BAIAP2L1: variants seen among roughly 807,000 people sequenced by gnomAD.
The protein encoded by BAIAP2L1 is BAR/IMD domain-containing adapter protein 2-like 1.
BAIAP2L1 carries 35 observed loss-of-function variants against 66.3 expected under a neutral mutation model. The ratio of observed to expected loss-of-function variants is 0.53; its 90% CI spans 0.40 to 0.70. The LOEUF (loss-of-function observed/expected upper bound fraction) is 0.70, where lower values mean the gene tolerates loss of function less well. Ranked by LOEUF, BAIAP2L1 falls within the 30% of genes least tolerant of loss-of-function variation. The pLI is 0.00. For missense variants in BAIAP2L1, 622 were observed against 656.9 expected (o/e 0.95, Z 0.58); for synonymous variants, 269 against 248.7 (o/e 1.08, Z -0.77).
chr7:98,313,982 C>CT (rs35599338), intron 7 of BAIAP2L1, among the ~76,000 whole-genome samples: 34,537 of 101,008 alleles, frequency 0.34, 7,776 homozygotes, highest in Non-Finnish European at 0.46. Context: ...CTTTTTCTTC[C>CT]TTTTTTTTTT....
rs764583121 is a variant in BAIAP2L1, at chr7:98,307,910, T to G, written c.956-14A>C. 6.2e-7 allele frequency: 1 copy of G among 1,613,648 alleles called. No homozygotes were observed. The highest frequency in any genetic ancestry group is 2.2e-5 in the East Asian group (1 of 44,878). On this transcript the variant is annotated splice_polypyrimidine_tract_variant and intron_variant, in intron 9 of 13. Coordinates refer to ENST00000005260, the MANE Select transcript of BAIAP2L1 (RefSeq NM_018842.5). ...CTTCGGAAGTACCTGTTGGAGGGAG[T>G]GTAGCAGTAATGGCTTTTCAAAGCA...
rs369831509 is a variant in BAIAP2L1 at position 98,296,624 on chromosome 7, TAAAAAACA to T, written c.1423-2521_1423-2514del. On this transcript the variant is annotated intron_variant, in intron 12 of 13. Coordinates refer to ENST00000005260, the MANE Select transcript of BAIAP2L1 (RefSeq NM_018842.5). Reference sequence around the variant, plus strand: ...GGGCAACAGAGTGAGACTCCATCTGTAAAAAACAAAAAAACAAAAAACCAACAAAACAA... The same window carrying T: ...GGGCAACAGAGTGAGACTCCATCTGTAAAAAACAAAAAACCAACAAAACAA... Among the ~76,000 whole-genome samples the T allele has an allele frequency of 5.9e-5, 9 of 151,988 alleles. No homozygotes were observed. In the South Asian group the frequency reaches 6.3e-4, roughly 11 times the overall value.
intron 7 of BAIAP2L1, among the ~76,000 whole-genome samples, chr7:98,314,940 T>C (rs545970168): frequency 2.0e-5 from 3 of 152,384 alleles, no homozygotes; most frequent in South Asian, 4.1e-4. Context: ...TAAATATGGA[T>C]GTATTATTAA....
chr7:98,320,294 A>G lies in BAIAP2L1; in HGVS notation c.219T>C (p.His73=). ...TGSPVSTELG[H]VLIEISSTHK... is the part of the protein sequence containing the mutation. ...GGGTACTTGAAATCTCTATGAGGACATGTCCTGGGAACAAAACCAGATATG... is the reference window on the plus strand; with the variant it reads ...GGGTACTTGAAATCTCTATGAGGACGTGTCCTGGGAACAAAACCAGATATG... Residue 73 remains histidine, a synonymous_variant, in exon 4 of 14, where the codon CAT becomes CAC. Coordinates refer to ENST00000005260, the MANE Select transcript of BAIAP2L1 (RefSeq NM_018842.5). 1.9e-6 allele frequency: 3 copies of G among 1,596,880 alleles called. No homozygotes were observed. Among genetic ancestry groups the G allele is most frequent in the Admixed American group, 1.8e-5 (1 of 56,488 alleles).
chr7:98,385,980 A>G (rs1584503795), intron 1 of BAIAP2L1: 7 of 1,498,690 alleles, frequency 4.7e-6, no homozygotes, highest in East Asian at 2.3e-5. Context: ...GAGGATAAAT[A>G]GACTGGCAAG....
intron 12 of BAIAP2L1, among the ~76,000 whole-genome samples, chr7:98,295,427 C>T (rs1055688833): frequency 3.3e-5 from 5 of 152,220 alleles, no homozygotes; most frequent in African/African-American, 4.8e-5. Flanking sequence ...TGACTTCCTG[C>T]GGGGCACTCA....
At chr7:98,317,693 A>C (rs1216014597) in intron 5 of BAIAP2L1, among the ~76,000 whole-genome samples, 1 of 135,430 alleles carries the variant, frequency 7.4e-6, no homozygotes, top group Non-Finnish European at 1.6e-5. Flanking sequence ...CCATCCTTAC[A>C]CTGGCTGGGA....
At chr7:98,309,587 T>C (rs539958978) in intron 9 of BAIAP2L1, 1 of 152,440 alleles carries the variant, frequency 6.6e-6, no homozygotes, top group South Asian at 2.1e-4. Flanking sequence ...GGCAAATGCC[T>C]GCAGACCATC....
intron 11 of BAIAP2L1, among the ~76,000 whole-genome samples, chr7:98,304,909 A>G (rs1216432195): frequency 6.9e-6 from 1 of 145,906 alleles, no homozygotes; most frequent in Admixed American, 7.0e-5. Context: ...CTTATTGTCC[A>G]GGGTGGAGTG....
chr7:98,348,729 C>T (rs147603203), intron 3 of BAIAP2L1, among the ~76,000 whole-genome samples: 2 of 152,292 alleles, frequency 1.3e-5, no homozygotes, highest in African/African-American at 4.8e-5. Flanking sequence ...TCCTTCTAGT[C>T]TTTGATACAG....
At chr7:98,332,450 A>C (rs1161868715) in intron 3 of BAIAP2L1, among the ~76,000 whole-genome samples, 1 of 143,936 alleles carries the variant, frequency 6.9e-6, no homozygotes. Context: ...CTTTTCAGTG[A>C]GGTACAATCT....
rs1050490801 is a variant in BAIAP2L1, at chr7:98,306,303, C to A, written c.1241+136G>T. The A allele has an allele frequency of 3.8e-6, 4 of 1,045,940 alleles. No homozygotes were observed. In the South Asian group the frequency reaches 5.7e-5, roughly 15 times the overall value. The allele number at this position is 1,045,940 out of a possible 1,614,324, so 64.8% of individuals were successfully genotyped here. On this transcript the variant is annotated intron_variant, in intron 11 of 13. Transcript: ENST00000005260. ...TCACGGCAGACAGCACTGTGAGCCG[C>A]GGTCTCATCTCTGACTAGTCCACGA...
intron 12 of BAIAP2L1, 102 bp downstream of exon 12, chr7:98,304,094 C>G: frequency 7.8e-7 from 1 of 1,274,788 alleles, no homozygotes; most frequent in East Asian, 2.8e-5. Flanking sequence ...CCACTCTCCC[C>G]CTGGGGACAG....
chr7:98,369,456 C>G (rs575652311), intron 1 of BAIAP2L1, among the ~76,000 whole-genome samples: 1 of 151,916 alleles, frequency 6.6e-6, no homozygotes, highest in African/African-American at 2.4e-5. Flanking sequence ...CCAGCCTGGG[C>G]GATAAAGCGA....
intron 7 of BAIAP2L1, 88 bp from the exon 8 acceptor site, chr7:98,312,352 G>C: frequency 7.1e-7 from 1 of 1,402,310 alleles, no homozygotes; most frequent in Non-Finnish European, 9.6e-7. Context: ...GCTGATAACA[G>C]ATTACTGGCT....
At chr7:98,388,881 G>A (rs1434217364) in intron 1 of BAIAP2L1, among the ~76,000 whole-genome samples, 2 of 151,842 alleles carry the variant, frequency 1.3e-5, no homozygotes, top group Non-Finnish European at 2.9e-5. Context: ...GGCTGAGGCA[G>A]GAGGAACGCT....
intron 12 of BAIAP2L1, among the ~76,000 whole-genome samples, chr7:98,303,016 C>T (rs1305431398): frequency 6.6e-6 from 1 of 152,174 alleles, no homozygotes; most frequent in African/African-American, 2.4e-5. Flanking sequence ...AACTCCTGGG[C>T]TCAAGTGATC....
At chr7:98,345,661 A>T (rs976422853) in intron 3 of BAIAP2L1, among the ~76,000 whole-genome samples, 3 of 152,042 alleles carry the variant, frequency 2.0e-5, no homozygotes, top group African/African-American at 7.2e-5. Flanking sequence ...GGAGGCAGAG[A>T]TTGCAGTGAG....
chr7:98,308,656 A>G, intron 9 of BAIAP2L1: 1 of 230,884 alleles, frequency 4.3e-6, no homozygotes, highest in Non-Finnish European at 8.8e-6. Flanking sequence ...AGGGGAAAAA[A>G]GGTAGAAAAA....
Sources: allele counts gnomAD v4.1 joint callset (sites outside exome capture counted in the v4.1 genomes callset), GRCh38; gene constraint gnomAD v4.1.1; transcripts MANE v1.5; gene names NCBI Gene and HGNC (gene_info 2026-07-23, HGNC 2026-07-21).